Variants in UBE2L3 observed in about 807,000 individuals in gnomAD.
UBE2L3 encodes ubiquitin conjugating enzyme E2 L3.
Under a neutral mutation model 17.8 loss-of-function variants are expected in UBE2L3, and 1 was observed. The ratio of observed to expected loss-of-function variants is 0.06; its 90% CI spans 0.02 to 0.27. The LOEUF is 0.27. Ranked by LOEUF, UBE2L3 falls within the 10% of genes least tolerant of loss-of-function variation. The probability of loss-of-function intolerance (pLI) is 1.00; values close to 1 mark genes in which losing one functional copy is unlikely to be tolerated. For missense variants in UBE2L3, 40 were observed against 192.6 expected (o/e 0.21, Z 4.69); for synonymous variants, 44 against 68.5 (o/e 0.64, Z 1.76).
chr22:21,605,915 T>C (rs1418401290), intron 2 of UBE2L3, among the ~76,000 whole-genome samples: 1 of 152,090 alleles, frequency 6.6e-6, no homozygotes, highest in Non-Finnish European at 1.5e-5. Flanking sequence ...GTGATCCTCC[T>C]GCCTTAGCCT....
intron 1 of UBE2L3, chr22:21,555,322 G>C (rs555620566): frequency 2.2e-3 from 328 of 152,342 alleles, no homozygotes; most frequent in Middle Eastern, 0.02. Context: ...ACTGGCCCAG[G>C]TTAGAAAAGG....
At chr22:21,581,592 G>A (rs1185995083) in intron 1 of UBE2L3, among the ~76,000 whole-genome samples, 2 of 151,672 alleles carry the variant, frequency 1.3e-5, no homozygotes, top group African/African-American at 4.8e-5. Context: ...ACCTGAGGTC[G>A]GGAGTTCGAG....
Position 21,618,594 on chromosome 22 carries a change from T to G in UBE2L3, c.311-2921T>G, listed in dbSNP as rs558558506. ...CCATCTCAAAAAATATATATATATA[T>G]TATTTTTTTTTTGCGATAGGGTCTT... On this transcript the variant is annotated intron_variant, in intron 3 of 3. Transcript: ENST00000342192. Among the ~76,000 whole-genome samples the G allele has an allele frequency of 9.3e-5, 14 of 150,880 alleles. No homozygotes were observed. In the South Asian group the frequency reaches 2.9e-3, roughly 32 times the overall value.
At chr22:21,576,676 C>T (rs909319226) in intron 1 of UBE2L3, among the ~76,000 whole-genome samples, 21 of 152,070 alleles carry the variant, frequency 1.4e-4, no homozygotes, top group African/African-American at 4.3e-4. Flanking sequence ...CCTTGTGATC[C>T]GCCCACCTCG....
intron 2 of UBE2L3, among the ~76,000 whole-genome samples, chr22:21,608,879 GC>G (rs1233029433): frequency 2.7e-5 from 4 of 149,834 alleles, no homozygotes. Flanking sequence ...ACTGCTCCTG[GC>G]CCAGTTTGGC....
intron 3 of UBE2L3, chr22:21,614,573 A>G (rs1204425203): frequency 7.3e-7 from 1 of 1,367,530 alleles, no homozygotes; most frequent in East Asian, 4.5e-5. Context: ...CAGCGTTCCC[A>G]ATTATGGCTT....
chr22:21,570,552 A>G (rs1926906875), intron 1 of UBE2L3, among the ~76,000 whole-genome samples: 1 of 152,178 alleles, frequency 6.6e-6, no homozygotes, highest in East Asian at 1.9e-4. Flanking sequence ...TCCAAATTCC[A>G]TGCCTCTTGT....
chr22:21,601,878 A>C lies in UBE2L3; in HGVS notation c.123+8922A>C, dbSNP rs1464021417. 2.0e-5 allele frequency among the ~76,000 whole-genome samples: 3 copies of C among 150,970 alleles called. 1 individual carries two copies. Among genetic ancestry groups the C allele is most frequent in the Non-Finnish European group, 4.4e-5 (3 of 67,820 alleles). On this transcript the variant is annotated intron_variant, in intron 2 of 3. Transcript: ENST00000342192. ...TCCCAGCTACTCTGGAGGTTGAGGCAGGAGAATGGCGTGAACCCGGGAGGC... is the reference window on the plus strand; with the variant it reads ...TCCCAGCTACTCTGGAGGTTGAGGCCGGAGAATGGCGTGAACCCGGGAGGC...
In UBE2L3 at chr22:21,622,381, G is replaced by A. The variant is rs1930076575; in HGVS notation, c.*712G>A. On this transcript the variant is annotated 3_prime_UTR_variant, in exon 4 of 4. Coordinates refer to ENST00000342192, the MANE Select transcript of UBE2L3 (RefSeq NM_003347.4). ...CCTCTGGCCTGGCCTGCACAGAGAA[G>A]CCCTATAATCACAGGTCTGTGGTGG... 1 of 152,852 alleles carries A rather than the reference G, an allele frequency of 6.5e-6. No homozygotes were observed. The highest frequency in any genetic ancestry group is 2.4e-5 in the African/African-American group (1 of 41,464). The allele number at this position is 152,852 out of a possible 1,614,324, so 9.5% of individuals were successfully genotyped here.
chr22:21,568,918 C>G (rs1926800848), intron 1 of UBE2L3, among the ~76,000 whole-genome samples: 1 of 152,120 alleles, frequency 6.6e-6, no homozygotes, highest in South Asian at 2.1e-4. Flanking sequence ...AGGACATTAA[C>G]TTTATAAAAC....
intron 1 of UBE2L3, among the ~76,000 whole-genome samples, chr22:21,562,650 C>T (rs1257194537): frequency 2.7e-5 from 4 of 145,462 alleles, no homozygotes; most frequent in East Asian, 2.2e-4. Context: ...GGATTACAGG[C>T]GTGAGCCACC....
intron 1 of UBE2L3, among the ~76,000 whole-genome samples, chr22:21,559,916 C>T (rs1926370819): frequency 6.6e-6 from 1 of 152,290 alleles, no homozygotes; most frequent in Admixed American, 6.5e-5. Flanking sequence ...TGGAGAGGGA[C>T]CGTGCTGCTC....
chr22:21,568,650 T>G (rs950022118), intron 1 of UBE2L3, among the ~76,000 whole-genome samples: 2 of 152,090 alleles, frequency 1.3e-5, no homozygotes, highest in Non-Finnish European at 2.9e-5. Flanking sequence ...CTTTTGCCAG[T>G]GGATTTGCCA....
chr22:21,618,630 T>C (rs1326197977), intron 3 of UBE2L3, among the ~76,000 whole-genome samples: 3 of 150,870 alleles, frequency 2.0e-5, no homozygotes, highest in Non-Finnish European at 4.4e-5. Flanking sequence ...GCTGTGTCAC[T>C]CAGGCTGAGT....
chr22:21,561,407 C>T (rs1284902903), intron 1 of UBE2L3, among the ~76,000 whole-genome samples: 5 of 152,298 alleles, frequency 3.3e-5, no homozygotes, highest in African/African-American at 4.8e-5. Context: ...GACAAACTGT[C>T]TCTATAAATT....
upstream of UBE2L3, among the ~76,000 whole-genome samples, chr22:21,563,221 GA>G (rs1427239059): frequency 7.4e-6 from 1 of 135,564 alleles, no homozygotes; most frequent in African/African-American, 2.9e-5. Flanking sequence ...CAGCCTGGGC[GA>G]CAGGGCAAGA....
chr22:21,621,345 A>C (rs926806444), intron 3 of UBE2L3, among the ~76,000 whole-genome samples, 170 bp from the exon 4 acceptor site: 1 of 152,214 alleles, frequency 6.6e-6, no homozygotes, highest in African/African-American at 2.4e-5. Flanking sequence ...AGGAAAGATG[A>C]GTTTTCTGGC....
intron 2 of UBE2L3, among the ~76,000 whole-genome samples, chr22:21,601,574 C>G (rs1367178138): frequency 2.6e-5 from 4 of 151,936 alleles, no homozygotes; most frequent in African/African-American, 9.7e-5. Flanking sequence ...CTCAGCATCC[C>G]AAAGTGCTGG....
chr22:21,571,284 T>C (rs905762672), intron 1 of UBE2L3, among the ~76,000 whole-genome samples: 9 of 152,246 alleles, frequency 5.9e-5, no homozygotes, highest in Admixed American at 1.3e-4. Flanking sequence ...ATCATTTCTT[T>C]GCAGCTTCAC....
Sources: allele counts gnomAD v4.1 joint callset (sites outside exome capture counted in the v4.1 genomes callset), GRCh38; gene constraint gnomAD v4.1.1; transcripts MANE v1.5; gene names NCBI Gene and HGNC (gene_info 2026-07-23, HGNC 2026-07-21).